Variants in JPH1 observed in about 807,000 individuals in gnomAD.
JPH1 encodes the protein junctophilin-1.
In JPH1, 12 loss-of-function variants were observed where a neutral mutation model predicts 53.6. The ratio of observed to expected loss-of-function variants is 0.22; its 90% CI spans 0.14 to 0.36. The LOEUF (loss-of-function observed/expected upper bound fraction) is 0.36, where lower values mean the gene tolerates loss of function less well. Among genes scored for constraint, JPH1 ranks in the 10% least tolerant of loss-of-function variants. The pLI is 1.00. For synonymous variants in JPH1, 375 were observed against 363.8 expected, an observed-to-expected ratio of 1.03 and a Z score of -0.35; for missense variants, 808 against 905.5, an observed-to-expected ratio of 0.89 and a Z score of 1.38.
intron 2 of JPH1, among the ~76,000 whole-genome samples, chr8:74,281,371 T>C (rs1038025715): frequency 1.3e-5 from 2 of 152,168 alleles, no homozygotes; most frequent in African/African-American, 2.4e-5. Flanking sequence ...CTTAATATAG[T>C]AGGAGCAAAA....
chr8:74,254,002 C>A (rs1370628998), intron 3 of JPH1, among the ~76,000 whole-genome samples: 1 of 150,590 alleles, frequency 6.6e-6, no homozygotes, highest in African/African-American at 2.5e-5. Context: ...GAAACCATTC[C>A]AATCAATAGA....
chr8:74,291,029 T>C (rs1414156326), intron 2 of JPH1, among the ~76,000 whole-genome samples: 2 of 152,220 alleles, frequency 1.3e-5, no homozygotes, highest in East Asian at 3.9e-4. Flanking sequence ...ATAAAAACCC[T>C]AGAAGAAAAC....
At chr8:74,282,062 T>C (rs1807030311) in intron 2 of JPH1, among the ~76,000 whole-genome samples, 1 of 152,204 alleles carries the variant, frequency 6.6e-6, no homozygotes, top group Non-Finnish European at 1.5e-5. Flanking sequence ...AAGATCCAGC[T>C]CATACATGAA....
chr8:74,255,624 G>A (rs1160895631), intron 3 of JPH1, among the ~76,000 whole-genome samples: 5 of 152,032 alleles, frequency 3.3e-5, no homozygotes, highest in Admixed American at 6.5e-5. Context: ...CAGAATGGGA[G>A]AAAATTTTTG....
chr8:74,253,682 T>G (rs532920914), intron 3 of JPH1, among the ~76,000 whole-genome samples: 1 of 151,982 alleles, frequency 6.6e-6, no homozygotes, highest in Non-Finnish European at 1.5e-5. Context: ...AAGAATCAAA[T>G]AGACGCAATA....
chr8:74,243,217 T>C (rs1036155715), intron 4 of JPH1, among the ~76,000 whole-genome samples: 1 of 152,214 alleles, frequency 6.6e-6, no homozygotes, highest in African/African-American at 2.4e-5. Context: ...TTTAACAAAT[T>C]CAATAGTGAT....
chr8:74,299,368 T>C (rs1278220949), intron 2 of JPH1, among the ~76,000 whole-genome samples: 1 of 152,220 alleles, frequency 6.6e-6, no homozygotes, highest in Non-Finnish European at 1.5e-5. Context: ...TAAAGGTTTC[T>C]CTGCACACCA....
chr8:74,244,495 G>A (rs1805788765), intron 4 of JPH1, 34 bp downstream of exon 4: 1 of 1,552,804 alleles, frequency 6.4e-7, no homozygotes, highest in Non-Finnish European at 8.7e-7. Flanking sequence ...ACAAAGGGAA[G>A]AAAGAAAGAG....
chr8:74,321,006 G>A lies in JPH1; in HGVS notation c.282C>T (p.Tyr94=), dbSNP rs1490496228. Residue 94 remains tyrosine (Y), a synonymous_variant, in exon 1 of 6, where the codon TAC becomes TAT. Transcript: ENST00000342232. The surrounding 1 kb of genome is among the most constrained non-coding windows in gnomAD (Gnocchi z 4.3). ...GGGTGCACAGGCTCTGCCGGACCCC[G>A]TAGCGCCCCTTGAAACCATGTGACC... ...GEWSHGFKGR[Y]GVRQSLCTPA... 1.9e-6 allele frequency: 3 copies of A among 1,612,626 alleles called. No individual in the cohort carries two copies. Among genetic ancestry groups the A allele is most frequent in the Non-Finnish European group, 2.5e-6 (3 of 1,179,492 alleles).
At chr8:74,251,737 A>G (rs1196676964) in intron 3 of JPH1, among the ~76,000 whole-genome samples, 1 of 152,034 alleles carries the variant, frequency 6.6e-6, no homozygotes, top group Non-Finnish European at 1.5e-5. Context: ...ACTGAATTGT[A>G]GAATAATACA....
chr8:74,256,662 C>G (rs908441327), intron 3 of JPH1, among the ~76,000 whole-genome samples: 2 of 152,102 alleles, frequency 1.3e-5, no homozygotes, highest in Admixed American at 1.3e-4. Flanking sequence ...TGGAAAAAAG[C>G]TCATCATCAC....
chr8:74,253,419 A>G (rs1215724788), intron 3 of JPH1, among the ~76,000 whole-genome samples: 1 of 152,174 alleles, frequency 6.6e-6, no homozygotes, highest in Admixed American at 6.5e-5. Context: ...TTATAGCACT[A>G]AATGCCCACA....
Position 74,315,537 on chromosome 8 carries a change from T to A in JPH1, c.463A>T (p.Ile155Phe). 6.2e-7 allele frequency: 1 copy of A among 1,606,090 alleles called. No individual in the cohort carries two copies. The highest frequency in any genetic ancestry group is 8.5e-7 in the Non-Finnish European group (1 of 1,177,968). ...AGCGAGGTACGCAGCGGTGAGCGGA[T>A]CACCGTGGCCATGCCGTAGGGCACG... is the stretch of plus-strand genomic sequence containing the variant. ...QSVPYGMATV[I>F]RSPLRTSLAS... The change falls in exon 2 of 6, where the codon ATC (isoleucine) becomes TTC (phenylalanine). Residue 155 changes from isoleucine (I) to phenylalanine (F), a missense_variant. This residue lies in a region of JPH1 where 756 missense variants were observed against 811.9 expected (regional missense o/e 0.93). Coordinates refer to ENST00000342232, the MANE Select transcript of JPH1 (RefSeq NM_020647.4). This position sits in a 1 kb window ranked among gnomAD's most constrained non-coding sequence, Gnocchi z 6.3.
chr8:74,255,180 G>C (rs974037232), intron 3 of JPH1, among the ~76,000 whole-genome samples: 24 of 152,064 alleles, frequency 1.6e-4, no homozygotes, highest in Middle Eastern at 3.4e-3. Flanking sequence ...CAGCATGGTA[G>C]TGGTACCAAA....
rs770701829 is a variant in JPH1 at position 74,244,740 on chromosome 8, A to G, written c.1694T>C (p.Val565Ala). 3.1e-6 allele frequency: 5 copies of G among 1,614,140 alleles called. No homozygotes were observed. The highest frequency in any genetic ancestry group is 4.2e-6 in the Non-Finnish European group (5 of 1,180,006). The change falls in exon 4 of 6, where the codon GTA (valine) becomes GCA (alanine). Residue 565 changes from valine (V) to alanine (A), a missense_variant. By Grantham distance (64) the Val-to-Ala change is moderately conservative. Transcript: ENST00000342232. The part of the protein sequence containing the change: ...VKLNAPQHPP[V>A]DVEDGDGSSQ... ...GGATCCATCGCCGTCCTCCACGTCT[A>G]CTGGAGGGTGCTGGGGGGCGTTCAG...
intron 2 of JPH1, among the ~76,000 whole-genome samples, chr8:74,306,153 C>G (rs1209820442): frequency 6.6e-6 from 1 of 152,186 alleles, no homozygotes; most frequent in Non-Finnish European, 1.5e-5. Context: ...AGCTGAAGGC[C>G]AGGAGCTGGC....
Position 74,237,303 on chromosome 8 carries a change from C to T in JPH1, c.1906G>A (p.Gly636Ser). The change falls in exon 5 of 6, where the codon GGC (glycine) becomes AGC (serine). Residue 636 changes from glycine to serine, a missense_variant and splice_region_variant. This residue lies in a region of JPH1 where 756 missense variants were observed against 811.9 expected (regional missense o/e 0.93). Transcript: ENST00000342232. ...CPALEKEANSGPNSIMIVLVM... is the reference protein window; with the variant it reads ...CPALEKEANSSPNSIMIVLVM... ...AGGACAATCATGATTGAATTAGGGC[C>T]CTGAAAATGAAAGAGAACAAAGTAA... The T allele has an allele frequency of 6.2e-7, 1 of 1,609,054 alleles. No individual in the cohort carries two copies. Among genetic ancestry groups the T allele is most frequent in the Non-Finnish European group, 8.5e-7 (1 of 1,177,620 alleles).
chr8:74,319,472 T>G (rs1808252665), intron 1 of JPH1, among the ~76,000 whole-genome samples: 1 of 152,200 alleles, frequency 6.6e-6, no homozygotes, highest in African/African-American at 2.4e-5. Flanking sequence ...CCCAATTAAC[T>G]ACTGTGAAAC....
intron 2 of JPH1, among the ~76,000 whole-genome samples, chr8:74,266,860 C>T (rs16938843): frequency 0.021 from 3,210 of 152,222 alleles, 116 homozygotes; most frequent in African/African-American, 0.07. Context: ...ATAGAGGAAA[C>T]AGCTGTAATG....
Sources: allele counts gnomAD v4.1 joint callset (sites outside exome capture counted in the v4.1 genomes callset), GRCh38; gene constraint gnomAD v4.1.1; regional missense constraint gnomAD v4.1.1; non-coding constraint Gnocchi (gnomAD v3.1); transcripts MANE v1.5; gene names NCBI Gene and HGNC (gene_info 2026-07-23, HGNC 2026-07-21).